Variants in ARHGEF3 observed in about 807,000 individuals in gnomAD.
ARHGEF3 encodes the protein 59.8 kDA protein.
Under a neutral mutation model 63.2 loss-of-function variants are expected in ARHGEF3, and 28 were observed. The ratio of observed to expected loss-of-function variants is 0.44; its 90% CI spans 0.33 to 0.61. ARHGEF3 has a LOEUF of 0.61. Ranked by LOEUF, ARHGEF3 falls within the 20% of genes least tolerant of loss-of-function variation. The pLI is 0.03. For missense variants in ARHGEF3, 533 were observed against 659.3 expected (o/e 0.81, Z 2.10); for synonymous variants, 266 against 254.2 (o/e 1.05, Z -0.44).
intron 2 of ARHGEF3, among the ~76,000 whole-genome samples, chr3:56,760,676 G>C (rs185866136): frequency 4.7e-4 from 72 of 151,902 alleles, no homozygotes; most frequent in African/African-American, 1.7e-3. Context: ...AACCAGATCT[G>C]GTTCCAACAG....
chr3:57,068,168 T>TACACAC (rs55876198), intron 1 of ARHGEF3, among the ~76,000 whole-genome samples: 4,852 of 149,050 alleles, frequency 0.033, 219 homozygotes, highest in African/African-American at 0.1. Flanking sequence ...CACACACACA[T>TACACAC]ACACACACAC....
chr3:56,767,583 CAAAAAAAAAA>C (rs541314948), intron 2 of ARHGEF3, among the ~76,000 whole-genome samples: 5 of 77,466 alleles, frequency 6.5e-5, no homozygotes, highest in Admixed American at 1.5e-4. Context: ...GACTCCGTCT[CAAAAAAAAAA>C]AAAAAAAAAA....
At chr3:57,036,746 G>T (rs1319978741) in intron 1 of ARHGEF3, among the ~76,000 whole-genome samples, 1 of 152,206 alleles carries the variant, frequency 6.6e-6, no homozygotes, top group Non-Finnish European at 1.5e-5. Context: ...GGCACAGGGG[G>T]TGAGGGTAAT....
At chr3:56,816,661 C>A (rs946450735) in intron 4 of ARHGEF3, among the ~76,000 whole-genome samples, 1 of 152,168 alleles carries the variant, frequency 6.6e-6, no homozygotes, top group Admixed American at 6.5e-5. Flanking sequence ...GTAATCCTTA[C>A]AACAATCCTA....
At chr3:56,831,977 T>C (rs1388496497) in intron 4 of ARHGEF3, among the ~76,000 whole-genome samples, 3 of 152,204 alleles carry the variant, frequency 2.0e-5, no homozygotes, top group Non-Finnish European at 2.9e-5. Flanking sequence ...TACCGTGGAC[T>C]TGAGAACTTT....
chr3:57,010,015 C>T lies in ARHGEF3; in HGVS notation c.62+25073G>A, dbSNP rs547625701. On this transcript the variant is annotated intron_variant, in intron 2 of 12. Coordinates refer to the ARHGEF3 transcript ENST00000338458. ...AGCAAGTGGTGGAGCAGGAACTGGA[C>T]CACAGGCAGCTGCCTTCTGAGCCCG... Among the ~76,000 whole-genome samples, 5 of 152,284 alleles carry T rather than the reference C, an allele frequency of 3.3e-5. No individual in the cohort carries two copies. The East Asian group carries it at 7.7e-4, about 24-fold the overall frequency.
intron 3 of ARHGEF3, among the ~76,000 whole-genome samples, chr3:56,939,604 C>CGAGGACT (rs1271569045): frequency 6.6e-6 from 1 of 151,934 alleles, no homozygotes; most frequent in African/African-American, 2.4e-5. Context: ...TGATTCATCC[C>CGAGGACT]GAGGACTATT....
At chr3:56,839,278 A>G (rs190647060) in intron 4 of ARHGEF3, among the ~76,000 whole-genome samples, 1 of 152,174 alleles carries the variant, frequency 6.6e-6, no homozygotes, top group East Asian at 1.9e-4. Flanking sequence ...CTTGTGTATT[A>G]GTATATGAGT....
chr3:56,836,947 T>G (rs1042963553), intron 4 of ARHGEF3, among the ~76,000 whole-genome samples: 1 of 152,010 alleles, frequency 6.6e-6, no homozygotes, highest in African/African-American at 2.4e-5. Flanking sequence ...AAAAAGTCAC[T>G]GTGTAAAGGC....
At chr3:57,007,460 A>G (rs1702512065) in intron 2 of ARHGEF3, 4 of 975,910 alleles carry the variant, frequency 4.1e-6, no homozygotes, top group Middle Eastern at 2.8e-4. Context: ...TTCCAGGTGA[A>G]AACAGGCAGG....
At chr3:56,861,118 C>T (rs996434986) in intron 4 of ARHGEF3, among the ~76,000 whole-genome samples, 7 of 152,152 alleles carry the variant, frequency 4.6e-5, no homozygotes, top group Non-Finnish European at 8.8e-5. Flanking sequence ...TCCTGTAAGA[C>T]AAGTGTGATG....
Position 56,810,177 on chromosome 3 carries a change from A to T in ARHGEF3, c.193-36361T>A, listed in dbSNP as rs143103996. On this transcript the variant is annotated intron_variant, in intron 4 of 12. Coordinates refer to the ARHGEF3 transcript ENST00000338458. The stretch of plus-strand genomic sequence containing the variant: ...ATTAGAGGTGTTTTCTCCTCCATCA[A>T]CTACAAACTCAGTAATCAAAGTACC... Among the ~76,000 whole-genome samples, 3 of 152,318 alleles carry T rather than the reference A, an allele frequency of 2.0e-5. No individual in the cohort carries two copies. The East Asian group carries it at 5.8e-4, about 29-fold the overall frequency.
At chr3:56,967,842 T>TAA (rs1700635350) in intron 2 of ARHGEF3, among the ~76,000 whole-genome samples, 1 of 53,618 alleles carries the variant, frequency 1.9e-5, no homozygotes, top group Non-Finnish European at 3.2e-5. Flanking sequence ...ATTAATTATA[T>TAA]TATTATATAA....
At chr3:56,875,916 G>A (rs1383407463) in intron 4 of ARHGEF3, among the ~76,000 whole-genome samples, 2 of 152,186 alleles carry the variant, frequency 1.3e-5, no homozygotes, top group African/African-American at 4.8e-5. Context: ...ATAAAGGCTA[G>A]GATGGCAACA....
rs561179265 is a variant in ARHGEF3 at position 56,837,299 on chromosome 3, T to C, written c.192+44993A>G. The stretch of plus-strand genomic sequence containing the variant: ...GAGTCCAGACGTTTTTCTACTCTGC[T>C]ACCATACTCTGAAAAGAGCACGGTT... On this transcript the variant is annotated intron_variant, in intron 4 of 12. Coordinates refer to the ARHGEF3 transcript ENST00000338458. Among the ~76,000 whole-genome samples the C allele has an allele frequency of 3.9e-5, 6 of 152,314 alleles. No homozygotes were observed. The South Asian group carries it at 1.2e-3, about 32-fold the overall frequency.
At chr3:57,007,409 T>C (rs1702510750) in intron 2 of ARHGEF3, 2 of 1,254,988 alleles carry the variant, frequency 1.6e-6, no homozygotes. Context: ...GAATTGATTT[T>C]GTTTATTCCA....
At chr3:57,003,306 G>A (rs1702333376) in intron 2 of ARHGEF3, among the ~76,000 whole-genome samples, 1 of 146,960 alleles carries the variant, frequency 6.8e-6, no homozygotes, top group South Asian at 2.2e-4. Flanking sequence ...GGGAGGCTAA[G>A]GCAGGAGAAT....
intron 2 of ARHGEF3, among the ~76,000 whole-genome samples, chr3:56,761,642 G>A (rs993606775): frequency 1.3e-5 from 2 of 152,078 alleles, no homozygotes; most frequent in African/African-American, 4.8e-5. Context: ...GCTATGTGCT[G>A]GGCACTGTGA....
rs189420608 is a variant in ARHGEF3 at position 56,752,742 on chromosome 3, A to T, written c.438+762T>A. Reference sequence around the variant, plus strand: ...TGAAATAACTTCTTTGTCCTCTCTGATCTCCTCCTCCTCCAGCTCTGCCTA... The same window carrying T: ...TGAAATAACTTCTTTGTCCTCTCTGTTCTCCTCCTCCTCCAGCTCTGCCTA... On this transcript the variant is annotated intron_variant, in intron 4 of 9. Coordinates refer to ENST00000296315, the MANE Select transcript of ARHGEF3 (RefSeq NM_019555.3). Among the ~76,000 whole-genome samples, 4 of 152,288 alleles carry T rather than the reference A, an allele frequency of 2.6e-5. No individual in the cohort carries two copies. The East Asian group carries it at 7.7e-4, about 29-fold the overall frequency.
Sources: allele counts gnomAD v4.1 joint callset (sites outside exome capture counted in the v4.1 genomes callset), GRCh38; gene constraint gnomAD v4.1.1; transcripts MANE v1.5; gene names NCBI Gene and HGNC (gene_info 2026-07-23, HGNC 2026-07-21).